The following CERS1 variants were observed in gnomAD, a reference collection of about 807,000 sequenced individuals.
The protein encoded by CERS1 is Embryonic growth/differentiation factor 1.
CERS1 carries 16 observed loss-of-function variants against 35.7 expected under a neutral mutation model. The observed-to-expected ratio is 0.45, with a 90% CI of 0.30 to 0.68. The LOEUF is 0.68. Among genes scored for constraint, CERS1 ranks in the 30% least tolerant of loss-of-function variants. The pLI is 0.08. For missense variants in CERS1, 454 were observed against 453.9 expected (o/e 1.00, Z 0.00); for synonymous variants, 243 against 201.6 (o/e 1.21, Z -1.74).
chr19:18,889,202 C>G (rs144294545), intron 2 of CERS1, among the ~76,000 whole-genome samples: 11 of 152,098 alleles, frequency 7.2e-5, no homozygotes, highest in African/African-American at 2.6e-4. Flanking sequence ...CACTTCAGCC[C>G]TCTTCCAGAA....
At chr19:18,888,889 CTTTTTTTTT>C (rs756124590) in intron 2 of CERS1, among the ~76,000 whole-genome samples, 1 of 122,926 alleles carries the variant, frequency 8.1e-6, no homozygotes, top group Admixed American at 8.3e-5. Context: ...TTCTTTCTTT[CTTTTTTTTT>C]TTTTTTTTTT....
In CERS1 at chr19:18,868,808, G is replaced by T; in HGVS notation, c.*1177C>A. The T allele has an allele frequency of 6.9e-7, 1 of 1,456,596 alleles. No homozygotes were observed. The allele number at this position is 1,456,596 out of a possible 1,614,324, so 90.2% of individuals were successfully genotyped here. On this transcript the variant is annotated 3_prime_UTR_variant, in exon 8 of 8. Coordinates refer to ENST00000623882, the MANE Select transcript of CERS1 (RefSeq NM_021267.5). ...CCCCCCGGACCCCGACAGCGCGACG[G>T]GCAGCGCGCACTGACCCTGGCAGTA...
Position 18,878,552 on chromosome 19 carries a change from G to C in CERS1, c.1010+378C>G. 3.9e-6 allele frequency: 4 copies of C among 1,031,950 alleles called. No homozygotes were observed. Among genetic ancestry groups the C allele is most frequent in the South Asian group, 3.6e-5 (1 of 27,664 alleles). The allele number at this position is 1,031,950 out of a possible 1,614,324, so 63.9% of individuals were successfully genotyped here. Reference sequence around the variant, plus strand: ...TTCCTCCCCAGCCCCACTGCCACCAGCTCCAGTGGCGACATGGGTCAGAGG... The same window carrying C: ...TTCCTCCCCAGCCCCACTGCCACCACCTCCAGTGGCGACATGGGTCAGAGG... On this transcript the variant is annotated intron_variant, in intron 6 of 7. Transcript: ENST00000623882. The surrounding 1 kb of genome is among the most constrained non-coding windows in gnomAD (Gnocchi z 4.6).
intron 6 of CERS1, among the ~76,000 whole-genome samples, chr19:18,872,515 ATTT>A (rs1006396798): frequency 1.6e-5 from 2 of 125,874 alleles, no homozygotes; most frequent in African/African-American, 3.0e-5. Flanking sequence ...GCCCGGGGTA[ATTT>A]TTTTTTTTTT....
At position 18,887,696 on chromosome 19, in the gene CERS1, A is replaced by G. The variant is rs1205187483; in HGVS notation, c.410-3429T>C. ...GAGGCGGAGGTTGTGGTGAGCCGAG[A>G]TCACACCACTGCACTCCAGCCTGGG... On this transcript the variant is annotated intron_variant, in intron 2 of 7. Coordinates refer to ENST00000623882, the MANE Select transcript of CERS1 (RefSeq NM_021267.5). Among the ~76,000 whole-genome samples the G allele has an allele frequency of 4.0e-5, 6 of 150,094 alleles. No homozygotes were observed. In the East Asian group the frequency reaches 9.8e-4, roughly 25 times the overall value.
intron 7 of CERS1, 61 bp from the exon 8 acceptor site, chr19:18,869,451 C>T: frequency 1.3e-6 from 2 of 1,500,056 alleles, no homozygotes; most frequent in Non-Finnish European, 1.8e-6. Flanking sequence ...CATGGGGTCT[C>T]GGTTAGGGAC....
chr19:18,884,382 G>T, intron 2 of CERS1, 115 bp from the exon 3 acceptor site: 1 of 937,976 alleles, frequency 1.1e-6, no homozygotes, highest in Non-Finnish European at 1.5e-6. Context: ...AGGTAACCAT[G>T]CGTGTCTGAC....
Position 18,879,236 on chromosome 19 carries a change from C to G in CERS1, c.900+5G>C, listed in dbSNP as rs2056131909. 6.2e-7 allele frequency: 1 copy of G among 1,613,424 alleles called. No individual in the cohort carries two copies. The highest frequency in any genetic ancestry group is 8.5e-7 in the Non-Finnish European group (1 of 1,179,780). ...CACTGTGGAGGAGAGCCGGGGCCGA[C>G]TCACCAGGAACCAGTAGAGGTTCAT... On this transcript the variant is annotated splice_donor_5th_base_variant and intron_variant, in intron 5 of 7. Coordinates refer to ENST00000623882, the MANE Select transcript of CERS1 (RefSeq NM_021267.5).
At chr19:18,894,087 G>A (rs896810282) in intron 1 of CERS1, among the ~76,000 whole-genome samples, 3 of 151,610 alleles carry the variant, frequency 2.0e-5, no homozygotes, top group Admixed American at 1.3e-4. Flanking sequence ...AAGGTGTGGC[G>A]GGGACATGGG....
chr19:18,874,690 T>C (rs1213305662), intron 6 of CERS1, among the ~76,000 whole-genome samples: 1 of 151,842 alleles, frequency 6.6e-6, no homozygotes, highest in African/African-American at 2.4e-5. Flanking sequence ...CGGGCGTCAG[T>C]GTAGGAGAGA....
At chr19:18,881,183 G>T (rs1193504958) in intron 3 of CERS1, among the ~76,000 whole-genome samples, 1 of 151,644 alleles carries the variant, frequency 6.6e-6, no homozygotes, top group Non-Finnish European at 1.5e-5. Context: ...TGCAGGAAAG[G>T]CCTCTGCCGC....
chr19:18,890,431 C>T (rs931772039), intron 2 of CERS1, among the ~76,000 whole-genome samples: 4 of 152,194 alleles, frequency 2.6e-5, no homozygotes, highest in African/African-American at 7.2e-5. Context: ...ATACAGTAGT[C>T]GCTCAATAAA....
Position 18,879,361 on chromosome 19 carries a change from C to T in CERS1, c.780G>A (p.Pro260=), listed in dbSNP as rs765999204. 4.4e-6 allele frequency: 7 copies of T among 1,584,870 alleles called. No homozygotes were observed. The highest frequency in any genetic ancestry group is 4.0e-5 in the African/African-American group (3 of 74,294). Reference sequence around the variant, plus strand: ...GACTGGTGGCATACAGGACCTTGAGCGGGAACCAGTAGAGGCGGAACCAGA... The same window carrying T: ...GACTGGTGGCATACAGGACCTTGAGTGGGAACCAGTAGAGGCGGAACCAGA... ...SWFWFRLYWF[P]LKVLYATSHC... is the part of the protein sequence containing the mutation. The change falls in exon 5 of 8, where the codon CCG becomes CCA. Residue 260 remains proline (P), a synonymous_variant. Transcript: ENST00000623882.
At chr19:18,884,007 T>C in intron 3 of CERS1, 80 bp downstream of exon 3, 2 of 1,464,664 alleles carry the variant, frequency 1.4e-6, no homozygotes, top group Non-Finnish European at 1.8e-6. Context: ...CACGGCCTCC[T>C]CTGTGCCCCG....
intron 6 of CERS1, among the ~76,000 whole-genome samples, chr19:18,872,386 C>T (rs891644152): frequency 3.3e-5 from 5 of 152,162 alleles, no homozygotes; most frequent in South Asian, 2.1e-4. Flanking sequence ...CTCGCTCTGT[C>T]GCCCAGGCTG....
At chr19:18,877,410 G>A (rs780592847) in intron 6 of CERS1, among the ~76,000 whole-genome samples, 4 of 152,132 alleles carry the variant, frequency 2.6e-5, no homozygotes, top group Non-Finnish European at 4.4e-5. Flanking sequence ...TTTAGCCATC[G>A]CCACCTTTGG....
At position 18,868,573 on chromosome 19, in the gene CERS1, GC is replaced by G; in HGVS notation, c.*1411del. The G allele has an allele frequency of 6.6e-7, 1 of 1,515,282 alleles. No homozygotes were observed. Among genetic ancestry groups the G allele is most frequent in the Non-Finnish European group, 9.0e-7 (1 of 1,115,690 alleles). 93.9% of individuals were successfully genotyped at this position (1,515,282 alleles called of 1,614,324 possible). On this transcript the variant is annotated 3_prime_UTR_variant, in exon 8 of 8. Transcript: ENST00000623882. ...CAGACCACGCGGCATTTATTGTTGG[GC>G]CCGCGTCCCTGCCCGCCCCGGGTTA...
At chr19:18,882,560 C>T (rs1323833895) in intron 3 of CERS1, among the ~76,000 whole-genome samples, 1 of 151,782 alleles carries the variant, frequency 6.6e-6, no homozygotes, top group Non-Finnish European at 1.5e-5. Flanking sequence ...TTGCTTGAAC[C>T]TGGGAGCCGG....
At chr19:18,882,891 CTG>C (rs2056250575) in intron 3 of CERS1, among the ~76,000 whole-genome samples, 1 of 152,072 alleles carries the variant, frequency 6.6e-6, no homozygotes, top group African/African-American at 2.4e-5. Flanking sequence ...CACGGTTTCA[CTG>C]TGTTAGCCAG....
Sources: allele counts gnomAD v4.1 joint callset (sites outside exome capture counted in the v4.1 genomes callset), GRCh38; gene constraint gnomAD v4.1.1; non-coding constraint Gnocchi (gnomAD v3.1); transcripts MANE v1.5; gene names NCBI Gene and HGNC (gene_info 2026-07-23, HGNC 2026-07-21).